DEXI: variants seen among roughly 807,000 people sequenced by gnomAD.
DEXI encodes dexamethasone-induced protein.
DEXI carries 2 observed loss-of-function variants against 2.5 expected under a neutral mutation model. The ratio of observed to expected loss-of-function variants is 0.81; its 90% CI spans 0.33 to 2.55. The LOEUF is 2.55. Ranked by LOEUF, DEXI falls within the 30% of genes most tolerant of loss-of-function variation. DEXI has a pLI of 0.11. For synonymous variants in DEXI, 71 were observed against 68.7 expected, an observed-to-expected ratio of 1.03 and a Z score of -0.17; for missense variants, 108 against 130.3, an observed-to-expected ratio of 0.83 and a Z score of 0.83.
chr16:10,935,353 T>C (rs1303929452), intron 1 of DEXI: 1 of 152,266 alleles, frequency 6.6e-6, no homozygotes, highest in Non-Finnish European at 1.5e-5. Context: ...CTTATGTTTA[T>C]CACCCGACAG....
At position 10,942,325 on chromosome 16, in the gene DEXI, G is replaced by C. The variant is rs2041113014; in HGVS notation, c.-320C>G. On this transcript the variant is annotated 5_prime_UTR_variant, in exon 1 of 2. Coordinates refer to ENST00000331808, the MANE Select transcript of DEXI (RefSeq NM_014015.4). The surrounding 1 kb of genome is among the most constrained non-coding windows in gnomAD (Gnocchi z 5.0). ...TCGCAGGGCCTCGCAGAGCCGGTGG[G>C]GATCCCACCGCGGCTCAGTGTCTAG... The C allele has an allele frequency of 3.8e-6, 1 of 262,974 alleles. No individual in the cohort carries two copies. Among genetic ancestry groups the C allele is most frequent in the East Asian group, 1.1e-4 (1 of 9,178 alleles). The allele number at this position is 262,974 out of a possible 1,614,324, so 16.3% of individuals were successfully genotyped here.
In DEXI at chr16:10,940,065, A is replaced by C. The variant is rs182387226; in HGVS notation, c.*149+1504T>G. ...CTAAGATGTTACTGAGCTCAACTGA[A>C]GCTTTTTCTTCAAAGAAATCTCACT... On this transcript the variant is annotated intron_variant, in intron 1 of 1. Transcript: ENST00000331808. This position sits in a 1 kb window ranked among gnomAD's most constrained non-coding sequence, Gnocchi z 4.2. 18 of 152,362 alleles carry C rather than the reference A, an allele frequency of 1.2e-4. No homozygotes were observed. The East Asian group carries it at 3.5e-3, about 29-fold the overall frequency. 9.4% of individuals were successfully genotyped at this position (152,362 alleles called of 1,614,324 possible).
rs1022148239 is a variant in DEXI at position 10,934,834 on chromosome 16, C to T, written c.*150-5275G>A. On this transcript the variant is annotated intron_variant, in intron 1 of 1. Transcript: ENST00000331808. The surrounding 1 kb of genome is among the most constrained non-coding windows in gnomAD (Gnocchi z 4.2). ...GCCTGGGATGGCAGCTGTGAGGGCA[C>T]CAGCACCATCTGGGGACTCGCTGGG... 6 of 152,250 alleles carry T rather than the reference C, an allele frequency of 3.9e-5. No individual in the cohort carries two copies. Among genetic ancestry groups the T allele is most frequent in the African/African-American group, 1.2e-4 (5 of 41,452 alleles). The allele number at this position is 152,250 out of a possible 1,614,324, so 9.4% of individuals were successfully genotyped here.
At position 10,938,279 on chromosome 16, in the gene DEXI, T is replaced by C. The variant is rs1326615026; in HGVS notation, c.*149+3290A>G. On this transcript the variant is annotated intron_variant, in intron 1 of 1. Transcript: ENST00000331808. The surrounding 1 kb of genome is among the most constrained non-coding windows in gnomAD (Gnocchi z 4.9). ...ACCCTGGGATGTGAACCCAGGGCCCTGGCTCTTAACCATGACCCTAATACT... is the reference window on the plus strand; with the variant it reads ...ACCCTGGGATGTGAACCCAGGGCCCCGGCTCTTAACCATGACCCTAATACT... 2 of 151,930 alleles carry C rather than the reference T, an allele frequency of 1.3e-5. No homozygotes were observed. The highest frequency in any genetic ancestry group is 4.8e-5 in the African/African-American group (2 of 41,318). 9.4% of individuals were successfully genotyped at this position (151,930 alleles called of 1,614,324 possible). A position where few individuals can be genotyped will look rare whatever the true frequency, so the allele number is the denominator to read the frequency against.
chr16:10,940,009 G>T lies in DEXI; in HGVS notation c.*149+1560C>A, dbSNP rs2041079662. 6.6e-6 allele frequency: 1 copy of T among 152,254 alleles called. No individual in the cohort carries two copies. Among genetic ancestry groups the T allele is most frequent in the Non-Finnish European group, 1.5e-5 (1 of 68,078 alleles). The allele number at this position is 152,254 out of a possible 1,614,324, so 9.4% of individuals were successfully genotyped here. ...GGCTGGGGAGGTGTGCAGAGCACCTGGCACACACTCCCCCTGGCACTTGGT... is the reference window on the plus strand; with the variant it reads ...GGCTGGGGAGGTGTGCAGAGCACCTTGCACACACTCCCCCTGGCACTTGGT... On this transcript the variant is annotated intron_variant, in intron 1 of 1. Coordinates refer to ENST00000331808, the MANE Select transcript of DEXI (RefSeq NM_014015.4). This position sits in a 1 kb window ranked among gnomAD's most constrained non-coding sequence, Gnocchi z 4.2.
rs1470767696 is a variant in DEXI at position 10,937,801 on chromosome 16, C to A, written c.*149+3768G>T. 6.6e-6 allele frequency: 1 copy of A among 152,232 alleles called. No individual in the cohort carries two copies. The highest frequency in any genetic ancestry group is 1.5e-5 in the Non-Finnish European group (1 of 68,060). 9.4% of individuals were successfully genotyped at this position (152,232 alleles called of 1,614,324 possible). A position where few individuals can be genotyped will look rare whatever the true frequency, so the allele number is the denominator to read the frequency against. The stretch of plus-strand genomic sequence containing the variant: ...AGCTCCCGATTCCCCATTCCCTGCT[C>A]CTGGGCAACAATTAACACTCTAGGA... On this transcript the variant is annotated intron_variant, in intron 1 of 1. Transcript: ENST00000331808. This position sits in a 1 kb window ranked among gnomAD's most constrained non-coding sequence, Gnocchi z 4.2.
rs1011613115 is a variant in DEXI at position 10,940,436 on chromosome 16, C to G, written c.*149+1133G>C. ...TAATGCAGGAGAGGGGTGGACTCAG[C>G]CTGCTTGCGGTGAATGGCATTAGTG... On this transcript the variant is annotated intron_variant, in intron 1 of 1. Transcript: ENST00000331808. This position sits in a 1 kb window ranked among gnomAD's most constrained non-coding sequence, Gnocchi z 4.2. 6.6e-6 allele frequency: 1 copy of G among 152,228 alleles called. No individual in the cohort carries two copies. The highest frequency in any genetic ancestry group is 1.5e-5 in the Non-Finnish European group (1 of 68,044). The allele number at this position is 152,228 out of a possible 1,614,324, so 9.4% of individuals were successfully genotyped here. A position where few individuals can be genotyped will look rare whatever the true frequency, so the allele number is the denominator to read the frequency against.
chr16:10,932,426 A>C (rs1393684668), intron 1 of DEXI: 2 of 152,202 alleles, frequency 1.3e-5, no homozygotes, highest in Non-Finnish European at 2.9e-5. Context: ...CAGAGAGGTT[A>C]AGCAAGCCGT....
rs1184146112 is a variant in DEXI at position 10,940,253 on chromosome 16, A to T, written c.*149+1316T>A. 2 of 152,142 alleles carry T rather than the reference A, an allele frequency of 1.3e-5. No individual in the cohort carries two copies. The highest frequency in any genetic ancestry group is 4.8e-5 in the African/African-American group (2 of 41,426). 9.4% of individuals were successfully genotyped at this position (152,142 alleles called of 1,614,324 possible). ...GGTATTGCGGGGTGCGGCCTTAGGG[A>T]GGTGATTAGGTCACGAAGGCAGAGC... On this transcript the variant is annotated intron_variant, in intron 1 of 1. Coordinates refer to ENST00000331808, the MANE Select transcript of DEXI (RefSeq NM_014015.4). This position sits in a 1 kb window ranked among gnomAD's most constrained non-coding sequence, Gnocchi z 4.2.
chr16:10,933,112 C>T (rs1046319112), intron 1 of DEXI: 1 of 152,250 alleles, frequency 6.6e-6, no homozygotes, highest in Non-Finnish European at 1.5e-5. Flanking sequence ...CATCAGAGCA[C>T]AGCAGACAAG....
rs781212436 is a variant in DEXI, at chr16:10,941,785, G to A, written c.221C>T (p.Ser74Phe). The A allele has an allele frequency of 6.8e-6, 11 of 1,613,642 alleles. No individual in the cohort carries two copies. In the East Asian group the frequency reaches 2.2e-4, roughly 33 times the overall value. The stretch of plus-strand genomic sequence containing the variant: ...ATCGTAAAGGCCCGAGCCGGGGTCG[G>A]AGAGCACGCCGAGGTCCACGAGCGC... ...DQALVDLGVL[S>F]DPGSGLYDAD... Residue 74 changes from serine (S) to phenylalanine (F), a missense_variant, in exon 1 of 2, where the codon TCC becomes TTC. Coordinates refer to ENST00000331808, the MANE Select transcript of DEXI (RefSeq NM_014015.4). This position sits in a 1 kb window ranked among gnomAD's most constrained non-coding sequence, Gnocchi z 6.4.
At chr16:10,933,306 G>C (rs1038800966) in intron 1 of DEXI, 1 of 152,286 alleles carries the variant, frequency 6.6e-6, no homozygotes, top group African/African-American at 2.4e-5. Flanking sequence ...AAGCTGCCTG[G>C]TTCAGGATGT....
chr16:10,935,804 A>T lies in DEXI; in HGVS notation c.*149+5765T>A, dbSNP rs1596656911. Reference sequence around the variant, plus strand: ...ATAACCATCAGACAAACCCAAATTGAGAGACAGTTTACAAAACACCAGCCT... The same window carrying T: ...ATAACCATCAGACAAACCCAAATTGTGAGACAGTTTACAAAACACCAGCCT... On this transcript the variant is annotated intron_variant, in intron 1 of 1. Coordinates refer to ENST00000331808, the MANE Select transcript of DEXI (RefSeq NM_014015.4). 4.6e-5 allele frequency: 7 copies of T among 152,326 alleles called. 1 individual carries two copies. Among genetic ancestry groups the T allele is most frequent in the Admixed American group, 4.6e-4 (7 of 15,294 alleles). The allele number at this position is 152,326 out of a possible 1,614,324, so 9.4% of individuals were successfully genotyped here.
In DEXI at chr16:10,940,090, T is replaced by C. The variant is rs576820045; in HGVS notation, c.*149+1479A>G. On this transcript the variant is annotated intron_variant, in intron 1 of 1. Coordinates refer to ENST00000331808, the MANE Select transcript of DEXI (RefSeq NM_014015.4). This position sits in a 1 kb window ranked among gnomAD's most constrained non-coding sequence, Gnocchi z 4.2. ...AGCTTTTTCTTCAAAGAAATCTCAC[T>C]GTGAACCCATTAGGAGAGCCCTCTG... 6.6e-6 allele frequency: 1 copy of C among 152,306 alleles called. No individual in the cohort carries two copies. Among genetic ancestry groups the C allele is most frequent in the South Asian group, 2.1e-4 (1 of 4,838 alleles). The allele number at this position is 152,306 out of a possible 1,614,324, so 9.4% of individuals were successfully genotyped here.
intron 1 of DEXI, chr16:10,931,478 G>A (rs1250722736): frequency 1.3e-5 from 2 of 152,186 alleles, no homozygotes; most frequent in Non-Finnish European, 2.9e-5. Flanking sequence ...CTAACACTCC[G>A]GTTTTCATTG....
chr16:10,934,996 A>T lies in DEXI; in HGVS notation c.*150-5437T>A, dbSNP rs2145397677. 1 of 152,436 alleles carries T rather than the reference A, an allele frequency of 6.6e-6. No individual in the cohort carries two copies. Among genetic ancestry groups the T allele is most frequent in the East Asian group, 1.9e-4 (1 of 5,194 alleles). 9.4% of individuals were successfully genotyped at this position (152,436 alleles called of 1,614,324 possible). On this transcript the variant is annotated intron_variant, in intron 1 of 1. Coordinates refer to ENST00000331808, the MANE Select transcript of DEXI (RefSeq NM_014015.4). The surrounding 1 kb of genome is among the most constrained non-coding windows in gnomAD (Gnocchi z 4.2). ...TGGGCTAGAGCCCCTTCAGGGTCTGACACGCCATTGACACTGACCACGTCA... is the reference window on the plus strand; with the variant it reads ...TGGGCTAGAGCCCCTTCAGGGTCTGTCACGCCATTGACACTGACCACGTCA...
Position 10,941,464 on chromosome 16 carries a change from C to A in DEXI, c.*149+105G>T, listed in dbSNP as rs1465641428. 10 of 1,164,886 alleles carry A rather than the reference C, an allele frequency of 8.6e-6. 1 individual carries two copies. In the South Asian group the frequency reaches 2.1e-4, roughly 25 times the overall value. 72.2% of individuals were successfully genotyped at this position (1,164,886 alleles called of 1,614,324 possible). A position where few individuals can be genotyped will look rare whatever the true frequency, so the allele number is the denominator to read the frequency against. On this transcript the variant is annotated intron_variant, in intron 1 of 1. Transcript: ENST00000331808. This position sits in a 1 kb window ranked among gnomAD's most constrained non-coding sequence, Gnocchi z 6.4. ...TCCAGTTAGACCTGGAGGAGGTGAA[C>A]GGAGGAGAAGCCTGAGGGAGGGGTG... is the stretch of plus-strand genomic sequence containing the variant.
intron 1 of DEXI, chr16:10,936,911 G>T (rs948728278): frequency 4.6e-5 from 7 of 152,244 alleles, no homozygotes; most frequent in African/African-American, 1.7e-4. Flanking sequence ...AGTTCTGGGA[G>T]GAAAGCTAGC....
chr16:10,941,846 C>T lies in DEXI; in HGVS notation c.160G>A (p.Val54Met). 1 of 1,613,010 alleles carries T rather than the reference C, an allele frequency of 6.2e-7. No homozygotes were observed. Among genetic ancestry groups the T allele is most frequent in the South Asian group, 1.1e-5 (1 of 91,034 alleles). The change falls in exon 1 of 2, where the codon GTG becomes ATG. Residue 54 changes from valine (V) to methionine (M), a missense_variant. Transcript: ENST00000331808. The surrounding 1 kb of genome is among the most constrained non-coding windows in gnomAD (Gnocchi z 6.4). ...AFLMEYIVLN[V>M]GLVFLPEDMD... ...TCCTCGGGCAGGAAGACGAGGCCCA[C>T]GTTGAGGACGATGTACTCCATGAGG...
Sources: allele counts gnomAD v4.1 joint callset, GRCh38; gene constraint gnomAD v4.1.1; non-coding constraint Gnocchi (gnomAD v3.1); transcripts MANE v1.5; gene names NCBI Gene and HGNC (gene_info 2026-07-23, HGNC 2026-07-21).